Variants in CDH12 observed in about 807,000 individuals in gnomAD.
The protein encoded by CDH12 is cadherin 12.
A neutral mutation model predicts 74.1 loss-of-function variants in CDH12; 41 were observed. That is an observed-to-expected ratio of 0.55 (90% confidence interval 0.43 to 0.72). The LOEUF is 0.72. Among genes scored for constraint, CDH12 ranks in the 30% least tolerant of loss-of-function variants. CDH12 has a pLI of 0.00. For missense variants in CDH12, 945 were observed against 977.2 expected (o/e 0.97, Z 0.44); for synonymous variants, 399 against 355.0 (o/e 1.12, Z -1.39).
intron 1 of CDH12, among the ~76,000 whole-genome samples, chr5:22,827,981 A>C (rs1419053354): frequency 6.6e-6 from 1 of 152,208 alleles, no homozygotes; most frequent in Admixed American, 6.5e-5. Flanking sequence ...TTTAAAAAGT[A>C]AAATAATATG....
intron 3 of CDH12, among the ~76,000 whole-genome samples, chr5:22,316,991 T>C (rs1738660696): frequency 6.6e-6 from 1 of 152,072 alleles, no homozygotes; most frequent in African/African-American, 2.4e-5. Context: ...AGATGAGAAA[T>C]GTACCACTTT....
chr5:22,568,546 A>T (rs1367475302), intron 1 of CDH12, among the ~76,000 whole-genome samples: 1 of 152,186 alleles, frequency 6.6e-6, no homozygotes, highest in African/African-American at 2.4e-5. Flanking sequence ...CTCCTAAGTG[A>T]TGTAGGCAAC....
intron 1 of CDH12, among the ~76,000 whole-genome samples, chr5:22,525,538 G>C (rs574837181): frequency 1.3e-5 from 2 of 150,268 alleles, no homozygotes; most frequent in African/African-American, 2.4e-5. Flanking sequence ...GGGAGGGAGA[G>C]AGGGAGGGAG....
At chr5:22,755,012 A>G (rs1440104608) in intron 1 of CDH12, among the ~76,000 whole-genome samples, 2 of 152,176 alleles carry the variant, frequency 1.3e-5, no homozygotes, top group Admixed American at 1.3e-4. Flanking sequence ...TCACTTACAA[A>G]CAGTAATTGA....
At chr5:22,213,267 G>A (rs990637752) in intron 3 of CDH12, among the ~76,000 whole-genome samples, 1 of 151,952 alleles carries the variant, frequency 6.6e-6, no homozygotes, top group African/African-American at 2.4e-5. Context: ...TACTAAATAA[G>A]CATATTTGGC....
intron 1 of CDH12, among the ~76,000 whole-genome samples, chr5:22,665,082 G>T (rs981102600): frequency 6.6e-6 from 1 of 152,038 alleles, no homozygotes; most frequent in African/African-American, 2.4e-5. Flanking sequence ...AGCCTCTTGA[G>T]TATCTGGAAT....
At chr5:22,767,411 A>G (rs540372054) in intron 1 of CDH12, among the ~76,000 whole-genome samples, 16 of 152,186 alleles carry the variant, frequency 1.1e-4, no homozygotes, top group African/African-American at 3.8e-4. Flanking sequence ...GATAGTGCTT[A>G]CTGTTCTGTT....
intron 10 of CDH12, among the ~76,000 whole-genome samples, chr5:21,797,805 T>G (rs1390872940): frequency 6.6e-6 from 1 of 152,156 alleles, no homozygotes; most frequent in Non-Finnish European, 1.5e-5. Flanking sequence ...CTAATAATGT[T>G]TTTTACTTAG....
intron 1 of CDH12, among the ~76,000 whole-genome samples, chr5:22,830,836 A>G (rs1736571113): frequency 6.6e-6 from 1 of 151,708 alleles, no homozygotes; most frequent in Non-Finnish European, 1.5e-5. Context: ...ATGTATGTGC[A>G]CTATAATTTT....
At chr5:22,698,735 A>AGTGT (rs374493879) in intron 1 of CDH12, among the ~76,000 whole-genome samples, 276 of 14,478 alleles carry the variant, frequency 0.019, 9 homozygotes, top group East Asian at 0.083. Context: ...ATATATATAT[A>AGTGT]GTGTGTGTGT....
chr5:22,842,085 CTT>C (rs1737104226), intron 1 of CDH12, among the ~76,000 whole-genome samples: 1 of 152,014 alleles, frequency 6.6e-6, no homozygotes, highest in Admixed American at 6.6e-5. Flanking sequence ...TATTTGAAAA[CTT>C]TTTTAAAATG....
chr5:21,845,962 C>T (rs1445103214), intron 7 of CDH12, among the ~76,000 whole-genome samples: 1 of 152,204 alleles, frequency 6.6e-6, no homozygotes, highest in South Asian at 2.1e-4. Flanking sequence ...GGGGGAATGC[C>T]AGCAGCTGTG....
chr5:22,329,689 G>C (rs536061357), intron 3 of CDH12, among the ~76,000 whole-genome samples: 9 of 152,308 alleles, frequency 5.9e-5, no homozygotes, highest in Middle Eastern at 3.4e-3. Flanking sequence ...GATACATAGA[G>C]AATCTGTGCA....
At chr5:21,816,364 C>T (rs1291465209) in intron 9 of CDH12, among the ~76,000 whole-genome samples, 8 of 151,922 alleles carry the variant, frequency 5.3e-5, no homozygotes, top group East Asian at 1.9e-4. Flanking sequence ...TGGTGGCTTA[C>T]GCCTATAACC....
intron 1 of CDH12, among the ~76,000 whole-genome samples, chr5:22,776,309 T>C (rs1397347421): frequency 6.6e-6 from 1 of 152,154 alleles, no homozygotes; most frequent in Non-Finnish European, 1.5e-5. Context: ...CTTATGTTAT[T>C]TAATAATTAA....
chr5:22,737,941 A>G (rs1431304193), intron 1 of CDH12, among the ~76,000 whole-genome samples: 2 of 152,028 alleles, frequency 1.3e-5, no homozygotes, highest in East Asian at 3.9e-4. Context: ...ATAAAATGAG[A>G]CACTTTTGAG....
chr5:22,115,592 T>C (rs1745041677), intron 4 of CDH12, among the ~76,000 whole-genome samples: 1 of 152,012 alleles, frequency 6.6e-6, no homozygotes, highest in Admixed American at 6.6e-5. Context: ...AAATTGGAAA[T>C]GCAATAAGTT....
chr5:21,766,435 T>C (rs904920060), intron 11 of CDH12, among the ~76,000 whole-genome samples: 2 of 151,962 alleles, frequency 1.3e-5, no homozygotes, highest in African/African-American at 4.8e-5. Flanking sequence ...CAAGCCACTA[T>C]CTTATTTAAT....
intron 4 of CDH12, among the ~76,000 whole-genome samples, chr5:22,126,272 T>A (rs986112852): frequency 6.6e-6 from 1 of 152,148 alleles, no homozygotes; most frequent in Non-Finnish European, 1.5e-5. Context: ...TTAGATTATA[T>A]CAAAGGAAAC....
Sources: allele counts gnomAD v4.1 joint callset (sites outside exome capture counted in the v4.1 genomes callset), GRCh38; gene constraint gnomAD v4.1.1; transcripts MANE v1.5; gene names NCBI Gene and HGNC (gene_info 2026-07-23, HGNC 2026-07-21).